TRIM33: variants seen among roughly 807,000 people sequenced by gnomAD.
TRIM33 encodes the protein tripartite motif containing 33.
Under a neutral mutation model 125.4 loss-of-function variants are expected in TRIM33, and 20 were observed. The observed-to-expected ratio is 0.16, with a 90% CI of 0.11 to 0.23. The LOEUF is 0.23. TRIM33 is among the 10% of genes least tolerant of loss of function. The pLI is 1.00. For missense variants in TRIM33, 920 were observed against 1,411.4 expected (o/e 0.65, Z 5.58); for synonymous variants, 564 against 513.9 (o/e 1.10, Z -1.32).
chr1:114,405,388 A>C (rs1652172151), intron 15 of TRIM33, 22 bp downstream of exon 15: 1 of 1,558,398 alleles, frequency 6.4e-7, no homozygotes, highest in Admixed American at 1.9e-5. Context: ...TCAACACCAA[A>C]AATCAATTAT....
intron 1 of TRIM33, among the ~76,000 whole-genome samples, chr1:114,481,669 ATG>A (rs973020668): frequency 8.1e-6 from 1 of 123,020 alleles, no homozygotes; most frequent in African/African-American, 3.3e-5. Context: ...GTGTATATAT[ATG>A]TGTGTATATA....
chr1:114,510,420 C>T, intron 1 of TRIM33, 131 bp downstream of exon 1: 1 of 820,638 alleles, frequency 1.2e-6, no homozygotes, highest in South Asian at 2.4e-5. Context: ...AGGGGCGAGT[C>T]TTTCACCTTA....
At chr1:114,496,486 G>A (rs1271027020) in intron 1 of TRIM33, among the ~76,000 whole-genome samples, 1 of 152,122 alleles carries the variant, frequency 6.6e-6, no homozygotes, top group Non-Finnish European at 1.5e-5. Flanking sequence ...CACCTAACAT[G>A]TCCCATCAAA....
At chr1:114,448,785 C>T (rs1240984561) in intron 4 of TRIM33, among the ~76,000 whole-genome samples, 1 of 151,816 alleles carries the variant, frequency 6.6e-6, no homozygotes, top group Non-Finnish European at 1.5e-5. Flanking sequence ...AAGTTTCGTA[C>T]TAAGCAGAAT....
chr1:114,403,194 A>T (rs1652014260), intron 15 of TRIM33, among the ~76,000 whole-genome samples: 1 of 152,238 alleles, frequency 6.6e-6, no homozygotes, highest in East Asian at 1.9e-4. Flanking sequence ...CTCAGATCCC[A>T]GTATCACCAT....
intron 1 of TRIM33, chr1:114,468,767 C>A: frequency 2.7e-6 from 1 of 377,116 alleles, no homozygotes. Flanking sequence ...ATGAAGACAG[C>A]AAAAAAGATG....
chr1:114,422,892 C>T (rs1432057720), intron 10 of TRIM33, among the ~76,000 whole-genome samples: 1 of 151,914 alleles, frequency 6.6e-6, no homozygotes, highest in Non-Finnish European at 1.5e-5. Flanking sequence ...CTTTTAATTC[C>T]CAAATACATA....
chr1:114,479,831 G>A (rs959637148), intron 1 of TRIM33, among the ~76,000 whole-genome samples: 1 of 151,842 alleles, frequency 6.6e-6, no homozygotes, highest in East Asian at 1.9e-4. Context: ...GGCAGCCCCC[G>A]CCCGGCCAGC....
intron 2 of TRIM33, among the ~76,000 whole-genome samples, chr1:114,464,023 C>G (rs1268343053): frequency 6.6e-6 from 1 of 152,126 alleles, no homozygotes; most frequent in Non-Finnish European, 1.5e-5. Context: ...CACACCTCAG[C>G]CTCCCTAAGT....
chr1:114,495,325 T>C lies in TRIM33; in HGVS notation c.526+15226A>G, dbSNP rs538046332. Among the ~76,000 whole-genome samples the C allele has an allele frequency of 4.6e-5, 7 of 152,308 alleles. No individual in the cohort carries two copies. In the South Asian group the frequency reaches 1.5e-3, roughly 32 times the overall value. On this transcript the variant is annotated intron_variant, in intron 1 of 19. Transcript: ENST00000358465. ...AGGCATCTGAGTTTGTGCTATCAGC[T>C]TAACATGGAAAGGCCACATTTAGGT...
At chr1:114,441,484 G>A (rs909717785) in intron 4 of TRIM33, among the ~76,000 whole-genome samples, 2 of 152,166 alleles carry the variant, frequency 1.3e-5, no homozygotes, top group African/African-American at 4.8e-5. Context: ...AGGACGTTAA[G>A]TGGCTAAACA....
At chr1:114,496,662 A>G (rs780366762) in intron 1 of TRIM33, among the ~76,000 whole-genome samples, 12 of 152,232 alleles carry the variant, frequency 7.9e-5, no homozygotes, top group Non-Finnish European at 1.6e-4. Context: ...TTTGTAATAC[A>G]GGTCTACCAA....
At chr1:114,440,465 G>C (rs1393445888) in intron 4 of TRIM33, among the ~76,000 whole-genome samples, 1 of 151,724 alleles carries the variant, frequency 6.6e-6, no homozygotes, top group Non-Finnish European at 1.5e-5. Context: ...ATAACAGGAA[G>C]AACTGACTCA....
intron 2 of TRIM33, 47 bp from the exon 3 acceptor site, chr1:114,463,603 A>G (rs761358803): frequency 2.6e-6 from 3 of 1,156,338 alleles, no homozygotes; most frequent in African/African-American, 1.7e-5. Context: ...CATAAAATCT[A>G]GATCTAAAAA....
intron 1 of TRIM33, among the ~76,000 whole-genome samples, chr1:114,508,730 C>A (rs72696079): frequency 1.1e-4 from 16 of 152,214 alleles, no homozygotes; most frequent in Non-Finnish European, 1.9e-4. Flanking sequence ...TCAATACACT[C>A]CCCCCATCCC....
intron 12 of TRIM33, among the ~76,000 whole-genome samples, chr1:114,409,283 T>C (rs1388432049): frequency 1.3e-5 from 2 of 152,202 alleles, no homozygotes; most frequent in Admixed American, 1.3e-4. Context: ...GCTTCAATCA[T>C]GTATTCAAGA....
At chr1:114,412,970 G>GT (rs1652685953) in intron 11 of TRIM33, among the ~76,000 whole-genome samples, 1 of 152,168 alleles carries the variant, frequency 6.6e-6, no homozygotes, top group Admixed American at 6.5e-5. Flanking sequence ...TCCCAACAGT[G>GT]TTTGAAGGTT....
At chr1:114,448,200 A>C in intron 4 of TRIM33, among the ~76,000 whole-genome samples, 1 of 152,220 alleles carries the variant, frequency 6.6e-6, no homozygotes, top group East Asian at 1.9e-4. Context: ...TCAGTGTATA[A>C]GTAGAGAAAT....
chr1:114,511,138 G>T lies in TRIM33; in HGVS notation c.-62C>A. The T allele has an allele frequency of 1.9e-6, 2 of 1,079,984 alleles. No individual in the cohort carries two copies. Among genetic ancestry groups the T allele is most frequent in the Admixed American group, 5.2e-5 (1 of 19,094 alleles). 66.9% of individuals were successfully genotyped at this position (1,079,984 alleles called of 1,614,324 possible). A position where few individuals can be genotyped will look rare whatever the true frequency, so the allele number is the denominator to read the frequency against. On this transcript the variant is annotated 5_prime_UTR_variant, in exon 1 of 20. Transcript: ENST00000358465. ...GCCCGCCGCCCGCGTCGCCGCCGCC[G>T]CCGCCCCCAGCCCCAGCCGCAGCCG...
Sources: gnomAD v4.1 joint callset for allele counts (sites outside exome capture counted in the v4.1 genomes callset) on GRCh38, gnomAD v4.1.1 for gene constraint, MANE v1.5 for transcripts, NCBI Gene and HGNC (gene_info 2026-07-23, HGNC 2026-07-21) for gene names.